The following NRXN3 variants were observed in gnomAD, a reference collection of about 807,000 sequenced individuals.
The protein encoded by NRXN3 is neurexin 3.
NRXN3 carries 32 observed loss-of-function variants against 137.6 expected under a neutral mutation model. The ratio of observed to expected loss-of-function variants is 0.23; its 90% confidence interval spans 0.18 to 0.31. NRXN3 has a LOEUF of 0.31. Among genes scored for constraint, NRXN3 ranks in the 10% least tolerant of loss-of-function variants. NRXN3 has a pLI of 1.00. For synonymous variants in NRXN3, 798 were observed against 784.5 expected, an observed-to-expected ratio of 1.02 and a Z score of -0.29; for missense variants, 1,574 against 2,062.5, an observed-to-expected ratio of 0.76 and a Z score of 4.59.
At chr14:79,318,483 AT>A (rs2089355528) in intron 15 of NRXN3, among the ~76,000 whole-genome samples, 1 of 152,226 alleles carries the variant, frequency 6.6e-6, no homozygotes, top group African/African-American at 2.4e-5. Flanking sequence ...ATAAAAAACC[AT>A]TGTTGGAATG....
intron 19 of NRXN3, among the ~76,000 whole-genome samples, chr14:79,781,478 A>G (rs1005141487): frequency 1.6e-4 from 25 of 152,248 alleles, no homozygotes; most frequent in African/African-American, 5.8e-4. Flanking sequence ...TCCCTTGCTC[A>G]TGCTTCATGA....
At chr14:79,752,327 G>C (rs1403619401) in intron 19 of NRXN3, among the ~76,000 whole-genome samples, 1 of 151,980 alleles carries the variant, frequency 6.6e-6, no homozygotes, top group African/African-American at 2.4e-5. Context: ...ATACTACAAG[G>C]CTACAGTAAC....
intron 8 of NRXN3, among the ~76,000 whole-genome samples, chr14:78,737,075 C>T (rs1346497380): frequency 6.6e-6 from 1 of 152,154 alleles, no homozygotes; most frequent in Non-Finnish European, 1.5e-5. Context: ...CTTAATGCCT[C>T]ACACATTTGT....
chr14:79,168,849 A>T (rs1269667010), intron 15 of NRXN3, among the ~76,000 whole-genome samples: 2 of 152,078 alleles, frequency 1.3e-5, no homozygotes, highest in Non-Finnish European at 2.9e-5. Flanking sequence ...AATTTATAGT[A>T]TGTGGTATCG....
intron 4 of NRXN3, among the ~76,000 whole-genome samples, chr14:78,497,282 G>A (rs2095800578): frequency 6.6e-6 from 1 of 152,088 alleles, no homozygotes; most frequent in African/African-American, 2.4e-5. Flanking sequence ...AGCCAATATA[G>A]CCACAAACAT....
At chr14:79,002,726 A>G (rs1323628951) in intron 15 of NRXN3, among the ~76,000 whole-genome samples, 1 of 152,156 alleles carries the variant, frequency 6.6e-6, no homozygotes, top group African/African-American at 2.4e-5. Context: ...TCCTTTGGGT[A>G]TATACCCAGT....
chr14:78,669,971 A>T (rs1421328231), intron 6 of NRXN3, among the ~76,000 whole-genome samples: 1 of 151,916 alleles, frequency 6.6e-6, no homozygotes, highest in Non-Finnish European at 1.5e-5. Context: ...TCAACCCGTC[A>T]CCTACATTAG....
chr14:78,926,079 AACCT>A (rs2099289124), intron 10 of NRXN3, among the ~76,000 whole-genome samples: 1 of 152,174 alleles, frequency 6.6e-6, no homozygotes. Context: ...TTGAAATTGG[AACCT>A]ACCTCTTTTT....
At chr14:78,721,741 C>G (rs1341932736) in intron 8 of NRXN3, among the ~76,000 whole-genome samples, 1 of 152,052 alleles carries the variant, frequency 6.6e-6, no homozygotes, top group African/African-American at 2.4e-5. Flanking sequence ...GCTGTTTCCT[C>G]TTTGGTCCAT....
At chr14:79,258,623 T>G (rs1478784709) in intron 15 of NRXN3, among the ~76,000 whole-genome samples, 7 of 152,208 alleles carry the variant, frequency 4.6e-5, no homozygotes, top group Non-Finnish European at 8.8e-5. Flanking sequence ...CTCCAAAGGA[T>G]GTAGTTTTAT....
At chr14:79,279,673 C>CT in intron 15 of NRXN3, 1 of 986,280 alleles carries the variant, frequency 1.0e-6, no homozygotes. Flanking sequence ...CTCCGTGGCG[C>CT]TAGTCCAGCA....
chr14:78,347,840 G>A (rs214025), intron 4 of NRXN3, among the ~76,000 whole-genome samples: 150,369 of 152,162 alleles, frequency 0.99, 74,321 homozygotes, highest in East Asian at 1. Flanking sequence ...AGGGAGATAA[G>A]ATTGCCCAAC....
Position 78,276,796 on chromosome 14 carries a change from T to C in NRXN3, c.710-1849T>C, listed in dbSNP as rs746749130. Among the ~76,000 whole-genome samples, 23 of 152,362 alleles carry C rather than the reference T, an allele frequency of 1.5e-4. No homozygotes were observed. In the Middle Eastern group the frequency reaches 0.01, roughly 68 times the overall value. On this transcript the variant is annotated intron_variant, in intron 2 of 20. Transcript: ENST00000335750. ...TTGGTGTCCCCAAGGAGCCTATTTG[T>C]ATGAACAATGGTGTTGACATTCTTC... is the stretch of plus-strand genomic sequence containing the variant.
At chr14:78,596,464 G>C (rs2152421535) in intron 4 of NRXN3, among the ~76,000 whole-genome samples, 1 of 152,280 alleles carries the variant, frequency 6.6e-6, no homozygotes, top group South Asian at 2.1e-4. Context: ...ACCTCCTCCT[G>C]CCACCTCTCA....
At chr14:79,224,405 T>A (rs2070424867) in intron 15 of NRXN3, among the ~76,000 whole-genome samples, 1 of 152,216 alleles carries the variant, frequency 6.6e-6, no homozygotes. Context: ...AAAACTTTAA[T>A]AATTATAATA....
chr14:79,326,412 A>G (rs1332483940), intron 15 of NRXN3, among the ~76,000 whole-genome samples: 1 of 152,204 alleles, frequency 6.6e-6, no homozygotes, highest in Non-Finnish European at 1.5e-5. Context: ...ATTATATAGT[A>G]AAGAAGCAAG....
intron 15 of NRXN3, among the ~76,000 whole-genome samples, chr14:79,398,307 C>G (rs2095085354): frequency 6.6e-6 from 1 of 152,168 alleles, no homozygotes; most frequent in Non-Finnish European, 1.5e-5. Context: ...ACCTAGGATC[C>G]TCTTAGAATG....
At position 78,735,120 on chromosome 14, in the gene NRXN3, C is replaced by T. The variant is rs115037000; in HGVS notation, c.2044+19981C>T. Among the ~76,000 whole-genome samples, 1,464 of 152,028 alleles carry T rather than the reference C, an allele frequency of 9.6e-3. 24 individuals are homozygous for T. Among genetic ancestry groups the T allele is most frequent in the African/African-American group, 0.033 (1,373 of 41,446 alleles). ...ATTGACCAGGGATGTGAAGGGAAGT[C>T]GGTGAATTTGAGATATTTATAGAAG... On this transcript the variant is annotated intron_variant, in intron 8 of 20. Transcript: ENST00000335750.
chr14:79,792,749 A>G (rs1297517435), intron 19 of NRXN3, among the ~76,000 whole-genome samples: 1 of 152,230 alleles, frequency 6.6e-6, no homozygotes. Context: ...TCCTAAGATC[A>G]GCTGGCTTTC....
Sources: allele counts gnomAD v4.1 joint callset (sites outside exome capture counted in the v4.1 genomes callset), GRCh38; gene constraint gnomAD v4.1.1; transcripts MANE v1.5; gene names NCBI Gene and HGNC (gene_info 2026-07-23, HGNC 2026-07-21).